The following RNH1 variants were observed in gnomAD, a reference collection of about 807,000 sequenced individuals.
RNH1 encodes ribonuclease/angiogenin inhibitor 1.
A neutral mutation model predicts 46.1 loss-of-function variants in RNH1; 38 were observed. That is an observed-to-expected ratio of 0.82 (90% CI 0.64 to 1.08). The LOEUF (loss-of-function observed/expected upper bound fraction) is 1.08, where lower values mean the gene tolerates loss of function less well. RNH1 is among the 50% of genes least tolerant of loss of function. The pLI, the probability that RNH1 is intolerant of heterozygous loss-of-function variation, is 0.00. For missense variants in RNH1, 577 were observed against 590.7 expected (o/e 0.98, Z 0.24); for synonymous variants, 319 against 279.1 (o/e 1.14, Z -1.43).
At chr11:500,847 G>GAGGACCCCATGAAAATGCGGGAGTAAAC in intron 3 of RNH1, 193 bp from the exon 4 acceptor site, 1 of 739,466 alleles carries the variant, frequency 1.4e-6, no homozygotes, top group Non-Finnish European at 2.4e-6. Context: ...GCTCGCACGT[G>GAGGACCCCATGAAAATGCGGGAGTAAAC]GCCAGGCGCG....
intron 8 of RNH1, 136 bp from the exon 9 acceptor site, chr11:498,277 C>A (rs924788943): frequency 1.2e-5 from 15 of 1,249,798 alleles, no homozygotes; most frequent in Non-Finnish European, 1.6e-5. Context: ...GCACCTACAC[C>A]TGGTCCTTGG....
intron 4 of RNH1, chr11:500,218 G>C (rs1171786896): frequency 1.5e-6 from 1 of 659,062 alleles, no homozygotes. Context: ...ACACCTTTCA[G>C]TGGGGGTCTG....
intron 1 of RNH1, chr11:505,383 G>T (rs889767580): frequency 6.6e-6 from 1 of 152,142 alleles, no homozygotes; most frequent in Non-Finnish European, 1.5e-5. Context: ...GCTACCCTGG[G>T]GTGTCTGGGC....
In RNH1 at chr11:494,776, A is replaced by T; in HGVS notation, c.1301T>A (p.Leu434Gln). The T allele has an allele frequency of 6.2e-7, 1 of 1,613,960 alleles. No individual in the cohort carries two copies. Among genetic ancestry groups the T allele is most frequent in the Non-Finnish European group, 8.5e-7 (1 of 1,179,980 alleles). ...QPGCLLEQLVLYDIYWSEEME... is the reference protein window; with the variant it reads ...QPGCLLEQLVQYDIYWSEEME... ...CTCCTCAGACCAGTAAATGTCGTAC[A>T]GGCTGCACACAGGCCAGAAGGGAGG... Residue 434 changes from leucine (L) to glutamine (Q), a missense_variant and splice_region_variant, in exon 11 of 11, where the codon CTG becomes CAG. Leu to Gln is a moderately radical substitution (Grantham distance 113). Transcript: ENST00000354420.
chr11:502,246 G>A lies in RNH1; in HGVS notation c.-84C>T. 8.9e-7 allele frequency: 1 copy of A among 1,125,626 alleles called. No homozygotes were observed. The highest frequency in any genetic ancestry group is 1.3e-5 in the South Asian group (1 of 76,016). The allele number at this position is 1,125,626 out of a possible 1,614,324, so 69.7% of individuals were successfully genotyped here. On this transcript the variant is annotated 5_prime_UTR_variant, in exon 3 of 11. Coordinates refer to ENST00000354420, the MANE Select transcript of RNH1 (RefSeq NM_203387.3). This position sits in a 1 kb window ranked among gnomAD's most constrained non-coding sequence, Gnocchi z 5.8. ...TCCCCTCACAGTTTCACAGGCCGGA[G>A]ATTCTGCAAACAGGACCCACAGGGC...
At chr11:496,003 G>A (rs369362544) in intron 9 of RNH1, among the ~76,000 whole-genome samples, 17 of 152,096 alleles carry the variant, frequency 1.1e-4, no homozygotes, top group South Asian at 6.2e-4. Context: ...ACAAAACATC[G>A]AAAAGAAAAT....
At chr11:498,983 C>T (rs1849441583) in intron 6 of RNH1, 32 bp downstream of exon 6, 8 of 1,611,644 alleles carry the variant, frequency 5.0e-6, no homozygotes, top group Non-Finnish European at 5.1e-6. Flanking sequence ...CCCTAGCCCA[C>T]ACCCCGCACC....
At chr11:500,311 C>T (rs1048685601) in intron 4 of RNH1, 173 bp downstream of exon 4, 3 of 809,354 alleles carry the variant, frequency 3.7e-6, no homozygotes, top group Non-Finnish European at 3.8e-6. Flanking sequence ...GGGCCCTGTC[C>T]CCCCCGCTGT....
rs186503801 is a variant in RNH1 at position 496,409 on chromosome 11, C to T, written c.1128-1356G>A. Among the ~76,000 whole-genome samples, 632 of 152,322 alleles carry T rather than the reference C, an allele frequency of 4.1e-3. 3 individuals are homozygous for T. The highest frequency in any genetic ancestry group is 0.015 in the African/African-American group (621 of 41,558). ...ATTAGGCCAGGCGTGGTGGCTCACG[C>T]CTGTAATCCCAGCAATTTAGGAGGC... On this transcript the variant is annotated intron_variant, in intron 9 of 10. Coordinates refer to ENST00000354420, the MANE Select transcript of RNH1 (RefSeq NM_203387.3).
chr11:499,376 G>A (rs1849509084), intron 5 of RNH1, 191 bp from the exon 6 acceptor site: 3 of 670,046 alleles, frequency 4.5e-6, no homozygotes, highest in Non-Finnish European at 7.8e-6. Context: ...ATTCCTTCTG[G>A]AAACCCCTCA....
At position 498,749 on chromosome 11, in the gene RNH1, CGGA is replaced by C; in HGVS notation, c.785+11_785+13del. Reference sequence around the variant, plus strand: ...CCGACCCTCCGGGAAGGAGGCCTCGCGGAGATGACTCACCACAGGGTCCTGAGC... The same window carrying C: ...CCGACCCTCCGGGAAGGAGGCCTCGCGATGACTCACCACAGGGTCCTGAGC... On this transcript the variant is annotated intron_variant, in intron 7 of 10. Coordinates refer to ENST00000354420, the MANE Select transcript of RNH1 (RefSeq NM_203387.3). 1 of 1,592,238 alleles carries C rather than the reference CGGA, an allele frequency of 6.3e-7. No homozygotes were observed.
At position 498,054 on chromosome 11, in the gene RNH1, T is replaced by C. The variant is rs1304259894; in HGVS notation, c.1044A>G (p.Ile348Met). The C allele has an allele frequency of 6.2e-6, 10 of 1,613,866 alleles. No homozygotes were observed. Among genetic ancestry groups the C allele is most frequent in the East Asian group, 2.2e-5 (1 of 44,890 alleles). ...AQNRFLLELQ[I>M]SNNRLEDAGV... ...CCGCATCCTCCAGCCTGTTGTTGCT[T>C]ATCTGTAGCTCCAGGAGAAACCTGT... Residue 348 changes from isoleucine (I) to methionine (M), a missense_variant, in exon 9 of 11, where the codon ATA becomes ATG. Coordinates refer to ENST00000354420, the MANE Select transcript of RNH1 (RefSeq NM_203387.3).
Position 495,064 on chromosome 11 carries a change from C to G in RNH1, c.1128-11G>C. On this transcript the variant is annotated splice_polypyrimidine_tract_variant and intron_variant, in intron 9 of 10. Coordinates refer to ENST00000354420, the MANE Select transcript of RNH1 (RefSeq NM_203387.3). ...TCGCAGTCGGCCAACCTGGGTGAAG[C>G]AGGGCGGGGGTCAGGGTGCCGGGCG... is the stretch of plus-strand genomic sequence containing the variant. 1 of 1,600,930 alleles carries G rather than the reference C, an allele frequency of 6.2e-7. No homozygotes were observed. Among genetic ancestry groups the G allele is most frequent in the East Asian group, 2.2e-5 (1 of 44,510 alleles).
chr11:500,661 G>C lies in RNH1; in HGVS notation c.102-7C>G, dbSNP rs766394726. The C allele has an allele frequency of 6.2e-7, 1 of 1,603,186 alleles. No homozygotes were observed. Among genetic ancestry groups the C allele is most frequent in the Non-Finnish European group, 8.5e-7 (1 of 1,179,926 alleles). On this transcript the variant is annotated splice_polypyrimidine_tract_variant and splice_region_variant and intron_variant, in intron 3 of 10. Coordinates refer to ENST00000354420, the MANE Select transcript of RNH1 (RefSeq NM_203387.3). ...GAGGCCACAGTCGTCCAGCCTGTGA[G>C]CAGACCCCAGGGTCATGTGGACCAC...
At chr11:496,070 C>G (rs1182317027) in intron 9 of RNH1, among the ~76,000 whole-genome samples, 2 of 151,942 alleles carry the variant, frequency 1.3e-5, no homozygotes, top group Admixed American at 1.3e-4. Context: ...CTCATGGGCA[C>G]ACCAAAAAAG....
intron 5 of RNH1, 57 bp from the exon 6 acceptor site, chr11:499,242 T>C (rs546832265): frequency 3.2e-6 from 5 of 1,584,024 alleles, no homozygotes; most frequent in East Asian, 4.5e-5. Context: ...AAGGGTGTGA[T>C]ACCAGGGAGC....
chr11:502,510 G>A lies in RNH1; in HGVS notation c.-87-261C>T, dbSNP rs1327509210. The A allele has an allele frequency of 8.1e-6, 3 of 369,676 alleles. No individual in the cohort carries two copies. The highest frequency in any genetic ancestry group is 1.5e-5 in the Non-Finnish European group (3 of 194,556). The allele number at this position is 369,676 out of a possible 1,614,324, so 22.9% of individuals were successfully genotyped here. ...CTCCTGCCCCACAGAGGGCGGGACAGCAGCAGCCCGGGAAGCCCCTGCCTC... is the reference window on the plus strand; with the variant it reads ...CTCCTGCCCCACAGAGGGCGGGACAACAGCAGCCCGGGAAGCCCCTGCCTC... On this transcript the variant is annotated intron_variant, in intron 2 of 10. Transcript: ENST00000354420. The surrounding 1 kb of genome is among the most constrained non-coding windows in gnomAD (Gnocchi z 5.8).
intron 9 of RNH1, among the ~76,000 whole-genome samples, chr11:496,683 T>G (rs1435615705): frequency 6.6e-6 from 1 of 151,856 alleles, no homozygotes; most frequent in Non-Finnish European, 1.5e-5. Context: ...ACAAACAAAA[T>G]AAAATTAGCC....
chr11:499,147 G>A lies in RNH1; in HGVS notation c.482C>T (p.Pro161Leu), dbSNP rs751990507. 1.2e-6 allele frequency: 2 copies of A among 1,613,030 alleles called. No homozygotes were observed. Among genetic ancestry groups the A allele is most frequent in the Non-Finnish European group, 1.7e-6 (2 of 1,179,954 alleles). Residue 161 changes from proline to leucine, a missense_variant, in exon 6 of 11, where the codon CCC becomes CTC. Transcript: ENST00000354420. The stretch of plus-strand genomic sequence containing the variant: ...CTTGGCCCTGAGCACGGAGGCCAGG[G>A]GCTCGCAGCTGGCAGCCGAGAGGCT... ...YCSLSAASCE[P>L]LASVLRAKPD... is the part of the protein sequence containing the mutation.
Sources: allele counts gnomAD v4.1 joint callset (sites outside exome capture counted in the v4.1 genomes callset), GRCh38; gene constraint gnomAD v4.1.1; non-coding constraint Gnocchi (gnomAD v3.1); transcripts MANE v1.5; gene names NCBI Gene and HGNC (gene_info 2026-07-23, HGNC 2026-07-21).